The following ZNF732 variants were observed in gnomAD, a reference collection of about 807,000 sequenced individuals.
ZNF732 encodes the protein zinc finger protein LOC654254.
ZNF732 carries 12 observed loss-of-function variants against 11.5 expected under a neutral mutation model. The ratio of observed to expected loss-of-function variants is 1.05; its 90% CI spans 0.67 to 1.70. The LOEUF (loss-of-function observed/expected upper bound fraction) is 1.70, where lower values mean the gene tolerates loss of function less well. Ranked by LOEUF, ZNF732 falls within the 40% of genes most tolerant of loss-of-function variation. The pLI is 0.00. For synonymous variants in ZNF732, 231 were observed against 236.5 expected (o/e 0.98, Z 0.21); for missense variants, 702 against 676.9 (o/e 1.04, Z -0.41).
At chr4:287,651 A>ATT (rs1369472565) in intron 3 of ZNF732, among the ~76,000 whole-genome samples, 2 of 150,716 alleles carry the variant, frequency 1.3e-5, no homozygotes, top group African/African-American at 2.4e-5. Flanking sequence ...ATATATATAT[A>ATT]TTTTTTTTTG....
At position 305,340 on chromosome 4, in the gene ZNF732, C is replaced by T. The variant is rs1581554362; in HGVS notation, c.-30G>A. ...CCACTTCAGGGGTGTAGCGGAGTCT[C>T]AGCTACGAATCATCCAATACCCGCA... On this transcript the variant is annotated 5_prime_UTR_variant, in exon 1 of 4. An upstream open reading frame in the 5' UTR loses its in-frame stop. Coordinates refer to ENST00000419098, the MANE Select transcript of ZNF732 (RefSeq NM_001137608.3). 5 of 1,607,494 alleles carry T rather than the reference C, an allele frequency of 3.1e-6. No homozygotes were observed. The highest frequency in any genetic ancestry group is 4.2e-6 in the Non-Finnish European group (5 of 1,179,824).
At position 270,888 on chromosome 4, in the gene ZNF732, C is replaced by T; in HGVS notation, c.*211G>A. 2 of 707,898 alleles carry T rather than the reference C, an allele frequency of 2.8e-6. No individual in the cohort carries two copies. The highest frequency in any genetic ancestry group is 5.2e-6 in the Non-Finnish European group (2 of 387,574). The allele number at this position is 707,898 out of a possible 1,614,324, so 43.9% of individuals were successfully genotyped here. ...CAGCATCAATTTTCTTATGTTGATT[C>T]AGGTATGCGGACTGTTTGAAGGCTT... On this transcript the variant is annotated 3_prime_UTR_variant, in exon 4 of 4. Transcript: ENST00000419098.
chr4:282,533 A>T (rs1719638634), intron 3 of ZNF732, among the ~76,000 whole-genome samples: 1 of 152,136 alleles, frequency 6.6e-6, no homozygotes, highest in Non-Finnish European at 1.5e-5. Flanking sequence ...CCCTGTCTCT[A>T]CAAAAAATAC....
At chr4:301,621 A>G (rs555884544) in intron 1 of ZNF732, among the ~76,000 whole-genome samples, 75 of 152,354 alleles carry the variant, frequency 4.9e-4, no homozygotes, top group Non-Finnish European at 7.6e-4. Context: ...CACAAGGACA[A>G]AAAACCAAAC....
intron 3 of ZNF732, among the ~76,000 whole-genome samples, chr4:292,962 G>A (rs1433199468): frequency 7.0e-6 from 1 of 143,308 alleles, no homozygotes; most frequent in African/African-American, 2.6e-5. Flanking sequence ...CAGCTACTCA[G>A]GAGGCTGAGG....
chr4:276,170 A>T (rs769655299), intron 3 of ZNF732, among the ~76,000 whole-genome samples: 3 of 151,782 alleles, frequency 2.0e-5, no homozygotes, highest in African/African-American at 7.2e-5. Flanking sequence ...TTCAATGACT[A>T]CTCACCTAGG....
rs1560165089 is a variant in ZNF732 at position 299,405 on chromosome 4, A to ATATATACACATATATACACATATGTG, written c.4-3251_4-3250insCACATATGTGTATATATGTGTATATA. ...TATACACATATGTACACATATGTGT[A>ATATATACACATATATACACATATGTG]TATATATATACACATATATACACAT... is the stretch of plus-strand genomic sequence containing the variant. On this transcript the variant is annotated intron_variant, in intron 1 of 3. Transcript: ENST00000419098. Among the ~76,000 whole-genome samples, 19 of 5,618 alleles carry ATATATACACATATATACACATATGTG rather than the reference A, an allele frequency of 3.4e-3. 1 individual carries two copies. Among genetic ancestry groups the ATATATACACATATATACACATATGTG allele is most frequent in the African/African-American group, 5.1e-3 (18 of 3,508 alleles). The allele number at this position is 5,618 out of a possible 152,430, so 3.7% of individuals were successfully genotyped here.
chr4:305,390 G>A lies in ZNF732; in HGVS notation c.-80C>T, dbSNP rs1720212494. The A allele has an allele frequency of 6.3e-7, 1 of 1,586,686 alleles. No individual in the cohort carries two copies. ...AGGTCACAGAGCGACGGAGGCTGAG[G>A]CTGTGACCGAATCACCGACGCCTCC... On this transcript the variant is annotated 5_prime_UTR_variant, in exon 1 of 4. Coordinates refer to ENST00000419098, the MANE Select transcript of ZNF732 (RefSeq NM_001137608.3).
intron 3 of ZNF732, among the ~76,000 whole-genome samples, chr4:276,614 G>C (rs1553838715): frequency 2.0e-5 from 3 of 151,500 alleles, no homozygotes; most frequent in African/African-American, 7.3e-5. Context: ...TAATTAAAAA[G>C]GTGAACACTC....
intron 3 of ZNF732, among the ~76,000 whole-genome samples, chr4:286,517 CTTTA>C (rs1463890051): frequency 6.6e-6 from 1 of 152,106 alleles, no homozygotes; most frequent in Non-Finnish European, 1.5e-5. Flanking sequence ...ATTTTTAAGA[CTTTA>C]TTTAGGTGGA....
rs1336341421 is a variant in ZNF732, at chr4:271,963, TTTC to T, written c.891_893del (p.Lys298del). ...TGTAGAGTTTCTCTCCGGTATGAAT[TTTC>T]TTATGTTTGGCAACATTTGAGGATG... is the stretch of plus-strand genomic sequence containing the variant. On this transcript the variant is annotated inframe_deletion, in exon 4 of 4. Coordinates refer to ENST00000419098, the MANE Select transcript of ZNF732 (RefSeq NM_001137608.3). 5 of 1,606,954 alleles carry T rather than the reference TTTC, an allele frequency of 3.1e-6. No homozygotes were observed. Among genetic ancestry groups the T allele is most frequent in the African/African-American group, 2.7e-5 (2 of 74,652 alleles).
At chr4:277,138 A>G (rs563369223) in intron 3 of ZNF732, among the ~76,000 whole-genome samples, 2 of 152,202 alleles carry the variant, frequency 1.3e-5, no homozygotes, top group African/African-American at 2.4e-5. Context: ...TACAATATAA[A>G]AAACTCAATC....
chr4:286,273 G>T (rs1356201594), intron 3 of ZNF732, among the ~76,000 whole-genome samples: 1 of 152,142 alleles, frequency 6.6e-6, no homozygotes, highest in Admixed American at 6.5e-5. Flanking sequence ...TATAGTTATT[G>T]AAACAGTTTA....
At chr4:282,806 C>T (rs1031551767) in intron 3 of ZNF732, among the ~76,000 whole-genome samples, 1 of 151,412 alleles carries the variant, frequency 6.6e-6, no homozygotes, top group South Asian at 2.1e-4. Context: ...AAGATACATA[C>T]ACACAAAAGA....
At chr4:274,207 GTAA>G (rs1719446941) in intron 3 of ZNF732, among the ~76,000 whole-genome samples, 1 of 151,590 alleles carries the variant, frequency 6.6e-6, no homozygotes, top group Non-Finnish European at 1.5e-5. Context: ...TCATAATCTG[GTAA>G]TAATACACAA....
chr4:299,862 AT>A (rs146854504), intron 1 of ZNF732, among the ~76,000 whole-genome samples: 6,438 of 124,320 alleles, frequency 0.052, 225 homozygotes, highest in African/African-American at 0.1. Flanking sequence ...ATGCCGGCTA[AT>A]TTTTTTTTTT....
intron 1 of ZNF732, among the ~76,000 whole-genome samples, chr4:296,654 C>A (rs781980662): frequency 1.3e-5 from 2 of 152,082 alleles, no homozygotes; most frequent in Non-Finnish European, 2.9e-5. Context: ...AGCTTCAATG[C>A]GCATAAAAAT....
In ZNF732 at chr4:296,051, G is replaced by A; in HGVS notation, c.108C>T (p.Asn36=). 6.2e-7 allele frequency: 1 copy of A among 1,613,790 alleles called. No homozygotes were observed. Among genetic ancestry groups the A allele is most frequent in the Non-Finnish European group, 8.5e-7 (1 of 1,179,860 alleles). ...CACCCAGGGAGATCAGGTTCCTGTA[G>A]TTCTCCAACATCACATCTCTATACA... ...QNLYRDVMLE[N]YRNLISLGVA... The change falls in exon 2 of 4, where the codon AAC becomes AAT. Residue 36 remains asparagine, a synonymous_variant. Coordinates refer to ENST00000419098, the MANE Select transcript of ZNF732 (RefSeq NM_001137608.3).
At chr4:294,010 G>GT (rs1388623668) in intron 3 of ZNF732, among the ~76,000 whole-genome samples, 1 of 152,008 alleles carries the variant, frequency 6.6e-6, no homozygotes, top group East Asian at 1.9e-4. Flanking sequence ...TTTGGTTTTG[G>GT]TTTTTTTGGA....
Sources: gnomAD v4.1 joint callset for allele counts (sites outside exome capture counted in the v4.1 genomes callset) on GRCh38, gnomAD v4.1.1 for gene constraint, MANE v1.5 for transcripts, NCBI Gene and HGNC (gene_info 2026-07-23, HGNC 2026-07-21) for gene names.